The following IL7 variants were observed in gnomAD, a reference collection of about 807,000 sequenced individuals.
IL7 encodes the protein interleukin-7.
Under a neutral mutation model 21.6 loss-of-function variants are expected in IL7, and 3 were observed. That is an observed-to-expected ratio of 0.14 (90% CI 0.06 to 0.36). IL7 has a LOEUF of 0.36. Ranked by LOEUF, IL7 falls within the 10% of genes least tolerant of loss-of-function variation. IL7 has a pLI of 1.00. For missense variants in IL7, 175 were observed against 200.2 expected, an observed-to-expected ratio of 0.87 and a Z score of 0.76; for synonymous variants, 62 against 68.1, an observed-to-expected ratio of 0.91 and a Z score of 0.44.
intron 5 of IL7, among the ~76,000 whole-genome samples, 158 bp downstream of exon 5, chr8:78,736,316 C>T (rs1266120139): frequency 1.3e-5 from 2 of 151,448 alleles, no homozygotes; most frequent in Non-Finnish European, 2.9e-5. Flanking sequence ...TTAAAGGAAT[C>T]AAATTTTTGA....
At chr8:78,743,425 C>A (rs1419409351) in intron 2 of IL7, among the ~76,000 whole-genome samples, 1 of 151,646 alleles carries the variant, frequency 6.6e-6, no homozygotes, top group African/African-American at 2.4e-5. Context: ...TTAATTATAG[C>A]CATTCTGACT....
downstream of IL7, among the ~76,000 whole-genome samples, chr8:78,714,919 T>G (rs1394029780): frequency 6.6e-6 from 1 of 152,172 alleles, no homozygotes; most frequent in Non-Finnish European, 1.5e-5. Flanking sequence ...AAATATAAAT[T>G]TAAACTGTTT....
At chr8:78,692,998 T>G (rs2130519765) in intron 3 of IL7, among the ~76,000 whole-genome samples, 1 of 152,158 alleles carries the variant, frequency 6.6e-6, no homozygotes, top group East Asian at 1.9e-4. Flanking sequence ...TTTTTGTCCT[T>G]GTGATAGTTT....
chr8:78,681,212 G>A (rs552925990), intron 4 of IL7, among the ~76,000 whole-genome samples: 218 of 152,126 alleles, frequency 1.4e-3, no homozygotes, highest in African/African-American at 5.1e-3. Flanking sequence ...GCTACCCTGG[G>A]CCTCTCCTCC....
intron 5 of IL7, chr8:78,719,863 T>C (rs1371040898): frequency 9.2e-5 from 14 of 151,804 alleles, no homozygotes; most frequent in Non-Finnish European, 2.1e-4. Context: ...ATAACAGATT[T>C]TTACAAATAA....
At chr8:78,762,652 A>ATTT (rs35466249) in intron 2 of IL7, among the ~76,000 whole-genome samples, 7 of 146,018 alleles carry the variant, frequency 4.8e-5, no homozygotes, top group African/African-American at 2.5e-5. Flanking sequence ...TTCCCAATGC[A>ATTT]TTTTTTTTTT....
At chr8:78,794,670 T>C (rs1254360152) in intron 2 of IL7, among the ~76,000 whole-genome samples, 1 of 152,078 alleles carries the variant, frequency 6.6e-6, no homozygotes, top group Non-Finnish European at 1.5e-5. Flanking sequence ...CAGGCCAAAA[T>C]TGCTTCTTTA....
chr8:78,792,456 T>G (rs1813726824), intron 2 of IL7, among the ~76,000 whole-genome samples: 1 of 152,042 alleles, frequency 6.6e-6, no homozygotes, highest in South Asian at 2.1e-4. Context: ...AAAAATGTCC[T>G]TCAAAGGACA....
chr8:78,688,469 A>C (rs1197414821), intron 3 of IL7, among the ~76,000 whole-genome samples: 1 of 152,186 alleles, frequency 6.6e-6, no homozygotes, highest in Non-Finnish European at 1.5e-5. Context: ...CAAAAAAGTA[A>C]ACCTGTTAAA....
intron 3 of IL7, chr8:78,697,433 A>C (rs770560148): frequency 6.2e-7 from 1 of 1,603,716 alleles, no homozygotes; most frequent in Non-Finnish European, 8.5e-7. Context: ...TTAAAAAGTC[A>C]AATTCTCCTG....
Position 78,697,418 on chromosome 8 carries a change from C to T in IL7, n.215-11471G>A, listed in dbSNP as rs372858379. On this transcript the variant is annotated intron_variant and non_coding_transcript_variant, in intron 3 of 4. Transcript: ENST00000523959. ...TTCCATTATTTTAGTATAAGCCACC[C>T]GCACTTAAAAAGTCAAATTCTCCTG... 2.3e-5 allele frequency: 36 copies of T among 1,597,146 alleles called. No homozygotes were observed. In the East Asian group the frequency reaches 4.5e-4, roughly 20 times the overall value.
At chr8:78,767,027 C>G (rs1016866184) in intron 2 of IL7, among the ~76,000 whole-genome samples, 7 of 152,082 alleles carry the variant, frequency 4.6e-5, no homozygotes. Flanking sequence ...TTTGTAACTA[C>G]TTGAAGATGA....
intron 3 of IL7, chr8:78,711,928 A>G (rs1192956744): frequency 9.3e-7 from 1 of 1,077,426 alleles, no homozygotes; most frequent in Non-Finnish European, 1.2e-6. Context: ...TCTTTTAAAA[A>G]AACTTTATAT....
chr8:78,689,369 A>T, intron 3 of IL7: 1 of 1,580,016 alleles, frequency 6.3e-7, no homozygotes, highest in Non-Finnish European at 8.6e-7. Flanking sequence ...TCTCGGACAC[A>T]GGTGGTAAGT....
chr8:78,725,587 T>A (rs1170850376), intron 3 of IL7, among the ~76,000 whole-genome samples: 1 of 152,084 alleles, frequency 6.6e-6, no homozygotes, highest in East Asian at 1.9e-4. Flanking sequence ...AAATTTGGTC[T>A]AACTTGTGCT....
At chr8:78,702,115 T>C (rs1251588132) in intron 3 of IL7, among the ~76,000 whole-genome samples, 2 of 152,184 alleles carry the variant, frequency 1.3e-5, no homozygotes, top group East Asian at 3.8e-4. Flanking sequence ...TTTTTTCAAT[T>C]GGTAAGCTAT....
intron 2 of IL7, among the ~76,000 whole-genome samples, chr8:78,792,580 C>A (rs1306021918): frequency 6.6e-6 from 1 of 151,924 alleles, no homozygotes; most frequent in Non-Finnish European, 1.5e-5. Context: ...AATGAAAAGA[C>A]AAATAATCCA....
chr8:78,689,536 A>G (rs900160231), intron 3 of IL7, among the ~76,000 whole-genome samples: 6 of 152,030 alleles, frequency 3.9e-5, no homozygotes, highest in Non-Finnish European at 5.9e-5. Flanking sequence ...TAGCTCTTAT[A>G]TCTGTAAATC....
At chr8:78,755,610 G>A (rs1812320771) in intron 2 of IL7, among the ~76,000 whole-genome samples, 1 of 151,630 alleles carries the variant, frequency 6.6e-6, no homozygotes, top group Non-Finnish European at 1.5e-5. Flanking sequence ...AAATCAGATT[G>A]CTTTCTTGAT....
Sources: gnomAD v4.1 joint callset for allele counts (sites outside exome capture counted in the v4.1 genomes callset) on GRCh38, gnomAD v4.1.1 for gene constraint, MANE v1.5 for transcripts, NCBI Gene and HGNC (gene_info 2026-07-23, HGNC 2026-07-21) for gene names.